The following CNTN1 variants were observed in gnomAD, a reference collection of about 807,000 sequenced individuals.
CNTN1 encodes the protein contactin-1.
CNTN1 carries 38 observed loss-of-function variants against 126.4 expected under a neutral mutation model. That is an observed-to-expected ratio of 0.30 (90% confidence interval 0.23 to 0.39). The LOEUF (loss-of-function observed/expected upper bound fraction) is 0.39, where lower values mean the gene tolerates loss of function less well. Ranked by LOEUF, CNTN1 falls within the 10% of genes least tolerant of loss-of-function variation. The probability of loss-of-function intolerance (pLI) is 1.00; values close to 1 mark genes in which losing one functional copy is unlikely to be tolerated. For missense variants in CNTN1, 1,009 were observed against 1,248.4 expected (o/e 0.81, Z 2.89); for synonymous variants, 413 against 422.6 (o/e 0.98, Z 0.28).
intron 1 of CNTN1, among the ~76,000 whole-genome samples, chr12:40,776,225 T>C (rs1565719464): frequency 6.6e-6 from 1 of 151,690 alleles, no homozygotes; most frequent in Non-Finnish European, 1.5e-5. Context: ...GAGTATAGAA[T>C]TCTACAACAC....
At chr12:40,947,158 G>A (rs912838793) in intron 14 of CNTN1, among the ~76,000 whole-genome samples, 10 of 151,836 alleles carry the variant, frequency 6.6e-5, no homozygotes, top group Admixed American at 3.3e-4. Context: ...GGCAGTAATT[G>A]CACACCTAGT....
intron 6 of CNTN1, among the ~76,000 whole-genome samples, chr12:40,925,852 A>G (rs865900094): frequency 0.017 from 2,410 of 142,294 alleles, 19 homozygotes; most frequent in Middle Eastern, 0.033. Context: ...GTGTATATAT[A>G]TATATATATA....
At chr12:40,977,050 G>T (rs1479206187) in intron 15 of CNTN1, among the ~76,000 whole-genome samples, 2 of 152,136 alleles carry the variant, frequency 1.3e-5, no homozygotes, top group Non-Finnish European at 2.9e-5. Flanking sequence ...TCCCGAGGTT[G>T]CTGGGATACA....
intron 1 of CNTN1, among the ~76,000 whole-genome samples, chr12:40,760,025 G>GGGACATA (rs2136414277): frequency 2.6e-5 from 4 of 152,126 alleles, no homozygotes; most frequent in African/African-American, 9.6e-5. Context: ...CTGTTGGTCA[G>GGGACATA]GGACATACTT....
intron 11 of CNTN1, among the ~76,000 whole-genome samples, chr12:40,938,393 A>G (rs571834020): frequency 4.6e-5 from 7 of 152,332 alleles, no homozygotes; most frequent in Admixed American, 2.6e-4. Context: ...CAGGACTCCA[A>G]TTATTTTGGC....
At position 40,758,076 on chromosome 12, in the gene CNTN1, A is replaced by C. The variant is rs576781801; in HGVS notation, c.-77+65484A>C. On this transcript the variant is annotated intron_variant, in intron 1 of 23. Transcript: ENST00000551295. ...GTGTTATTCATCTTCTTACACTTTA[A>C]TTTGGTGCCTTAGAGAAAGAAATTT... Among the ~76,000 whole-genome samples, 17 of 150,910 alleles carry C rather than the reference A, an allele frequency of 1.1e-4. No homozygotes were observed. The East Asian group carries it at 2.1e-3, about 19-fold the overall frequency.
chr12:40,978,807 T>C (rs1405447435), intron 15 of CNTN1: 2 of 152,216 alleles, frequency 1.3e-5, no homozygotes, highest in Non-Finnish European at 2.9e-5. Flanking sequence ...GGTTAATGAC[T>C]AACCTATGAT....
intron 1 of CNTN1, among the ~76,000 whole-genome samples, chr12:40,824,121 G>A (rs965939813): frequency 6.6e-6 from 1 of 152,004 alleles, no homozygotes; most frequent in Admixed American, 6.6e-5. Flanking sequence ...CTGCAGAATA[G>A]CATCAAACAT....
chr12:40,871,439 G>A (rs1300812976), intron 1 of CNTN1, among the ~76,000 whole-genome samples: 1 of 152,062 alleles, frequency 6.6e-6, no homozygotes, highest in Admixed American at 6.6e-5. Flanking sequence ...GGTCAGTTGG[G>A]AGGCCTGGAC....
At chr12:40,958,761 A>G (rs889082519) in intron 14 of CNTN1, among the ~76,000 whole-genome samples, 1 of 152,048 alleles carries the variant, frequency 6.6e-6, no homozygotes, top group Non-Finnish European at 1.5e-5. Flanking sequence ...ATTTGTTTGT[A>G]CTCATTGATA....
At chr12:40,915,602 G>A (rs1945200826) in intron 3 of CNTN1, among the ~76,000 whole-genome samples, 1 of 152,056 alleles carries the variant, frequency 6.6e-6, no homozygotes, top group Admixed American at 6.6e-5. Flanking sequence ...TCTTTCCAAT[G>A]TGCTGCTTGT....
chr12:40,891,101 AT>A (rs1421678794), intron 1 of CNTN1, among the ~76,000 whole-genome samples: 11 of 152,192 alleles, frequency 7.2e-5, no homozygotes, highest in African/African-American at 2.4e-4. Flanking sequence ...TTAATGTGCA[AT>A]TTCCTGATGA....
intron 19 of CNTN1, among the ~76,000 whole-genome samples, chr12:41,019,385 T>C (rs1948855884): frequency 6.6e-6 from 1 of 152,100 alleles, no homozygotes; most frequent in Non-Finnish European, 1.5e-5. Flanking sequence ...AAATATTTCA[T>C]GAGTCTCATA....
chr12:40,815,272 C>T (rs1404759285), intron 1 of CNTN1, among the ~76,000 whole-genome samples: 2 of 152,134 alleles, frequency 1.3e-5, no homozygotes, highest in African/African-American at 2.4e-5. Flanking sequence ...ATTGATTCTT[C>T]CTATCCATGA....
chr12:40,841,246 C>T (rs1023519797), intron 1 of CNTN1, among the ~76,000 whole-genome samples: 39 of 151,722 alleles, frequency 2.6e-4, no homozygotes, highest in African/African-American at 9.4e-4. Flanking sequence ...AGGTAGAAAA[C>T]CTAAACAGAC....
intron 1 of CNTN1, among the ~76,000 whole-genome samples, chr12:40,868,409 C>A (rs1943372225): frequency 1.3e-5 from 2 of 152,076 alleles, no homozygotes; most frequent in South Asian, 4.1e-4. Context: ...AGCAGAGATT[C>A]AGGTTGAGTC....
At chr12:40,957,522 C>T (rs1946933357) in intron 14 of CNTN1, among the ~76,000 whole-genome samples, 1 of 150,206 alleles carries the variant, frequency 6.7e-6, no homozygotes, top group Non-Finnish European at 1.5e-5. Context: ...GGTAAGACTT[C>T]ATGCTATTTG....
intron 1 of CNTN1, among the ~76,000 whole-genome samples, chr12:40,864,745 G>T (rs1943241902): frequency 6.6e-6 from 1 of 152,082 alleles, no homozygotes; most frequent in Non-Finnish European, 1.5e-5. Flanking sequence ...ATTAGCTGAT[G>T]GACATTTGAG....
At chr12:41,066,879 T>C (rs958663674) in intron 23 of CNTN1, among the ~76,000 whole-genome samples, 10 of 152,216 alleles carry the variant, frequency 6.6e-5, no homozygotes, top group Non-Finnish European at 1.5e-4. Flanking sequence ...AGAGATATAG[T>C]ACTCCAAATT....
Sources: allele counts gnomAD v4.1 joint callset (sites outside exome capture counted in the v4.1 genomes callset), GRCh38; gene constraint gnomAD v4.1.1; transcripts MANE v1.5; gene names NCBI Gene and HGNC (gene_info 2026-07-23, HGNC 2026-07-21).